The following TBC1D19 variants were observed in gnomAD, a reference collection of about 807,000 sequenced individuals.
TBC1D19 encodes the protein TBC1 domain family, member 19.
TBC1D19 carries 60 observed loss-of-function variants against 89.0 expected under a neutral mutation model. The observed-to-expected ratio is 0.67, with a 90% CI of 0.55 to 0.84. The LOEUF (loss-of-function observed/expected upper bound fraction) is 0.84. Ranked by LOEUF, TBC1D19 falls within the 40% of genes least tolerant of loss-of-function variation. The probability of loss-of-function intolerance (pLI) is 0.00; values close to 1 mark genes in which losing one functional copy is unlikely to be tolerated. For missense variants in TBC1D19, 500 were observed against 610.8 expected (o/e 0.82, Z 1.91); for synonymous variants, 189 against 199.7 (o/e 0.95, Z 0.45).
Position 26,730,510 on chromosome 4 carries a change from C to T in TBC1D19, c.1085-4945C>T, listed in dbSNP as rs569496606. On this transcript the variant is annotated intron_variant, in intron 15 of 20. Coordinates refer to ENST00000264866, the MANE Select transcript of TBC1D19 (RefSeq NM_018317.4). ...CTTTGCAGGGCCCAGAGCAGAAGTA[C>T]GAATAGAGGCCCACCTACCATAAGT... 2.3e-4 allele frequency among the ~76,000 whole-genome samples: 35 copies of T among 152,260 alleles called. 1 individual carries two copies. In the South Asian group the frequency reaches 6.8e-3, roughly 30 times the overall value.
the TBC1D19 span, among the ~76,000 whole-genome samples, chr4:26,810,291 T>C: frequency 1.3e-5 from 2 of 152,212 alleles, no homozygotes; most frequent in African/African-American, 4.8e-5. Flanking sequence ...CCAATGAACC[T>C]ACTTGCACTC....
rs777960715 is a variant in TBC1D19, at chr4:26,638,778, T to C, written c.377T>C (p.Val126Ala). Residue 126 changes from valine (V) to alanine (A), a missense_variant, in exon 6 of 21, where the codon GTT becomes GCT. Transcript: ENST00000264866. ...CAAAATTACCTTTTCCAGAGGCCAG[T>C]TGGAGAACAGAAAGAACTTCTTAAT... ...LSIPLARKRP[V>A]GEQKELLNKW... 10 of 1,610,340 alleles carry C rather than the reference T, an allele frequency of 6.2e-6. No individual in the cohort carries two copies. The highest frequency in any genetic ancestry group is 3.4e-5 in the Admixed American group (2 of 59,310).
chr4:26,842,340 C>CTTTTT, the TBC1D19 span, among the ~76,000 whole-genome samples: 720 of 81,610 alleles, frequency 8.8e-3, 2 homozygotes, highest in Middle Eastern at 0.012. Context: ...CTTTTCTTTT[C>CTTTTT]TTTTTTTTTT....
downstream of TBC1D19, among the ~76,000 whole-genome samples, chr4:26,758,704 A>C (rs866216181): frequency 1.3e-5 from 2 of 152,196 alleles, no homozygotes; most frequent in Non-Finnish European, 2.9e-5. Flanking sequence ...GTTGATCCCC[A>C]GATCGTGCTG....
intron 19 of TBC1D19, among the ~76,000 whole-genome samples, chr4:26,748,812 A>G (rs1718789206): frequency 6.6e-6 from 1 of 151,892 alleles, no homozygotes; most frequent in South Asian, 2.1e-4. Context: ...AGGTCTCACT[A>G]TCTCCCAACA....
chr4:26,785,818 G>A, the TBC1D19 span, among the ~76,000 whole-genome samples: 2 of 152,146 alleles, frequency 1.3e-5, no homozygotes, highest in African/African-American at 2.4e-5. Flanking sequence ...GTGCCACATA[G>A]CACTGGGGTC....
intron 4 of TBC1D19, among the ~76,000 whole-genome samples, chr4:26,634,654 G>C (rs1027188521): frequency 6.6e-6 from 1 of 152,070 alleles, no homozygotes; most frequent in Non-Finnish European, 1.5e-5. Flanking sequence ...GTATATATAC[G>C]TTTTTAATAA....
Position 26,681,419 on chromosome 4 carries a change from T to C in TBC1D19, c.817-2256T>C, listed in dbSNP as rs545498839. On this transcript the variant is annotated intron_variant, in intron 11 of 20. Coordinates refer to ENST00000264866, the MANE Select transcript of TBC1D19 (RefSeq NM_018317.4). ...AAAAAAAATCAGGCGGGTATGGTGCTGGGCACCTGTAGTCCCAGCTACTCG... is the reference window on the plus strand; with the variant it reads ...AAAAAAAATCAGGCGGGTATGGTGCCGGGCACCTGTAGTCCCAGCTACTCG... Among the ~76,000 whole-genome samples, 5 of 151,238 alleles carry C rather than the reference T, an allele frequency of 3.3e-5. No individual in the cohort carries two copies. In the East Asian group the frequency reaches 9.7e-4, roughly 29 times the overall value.
chr4:26,778,103 T>G, the TBC1D19 span, among the ~76,000 whole-genome samples: 1 of 133,784 alleles, frequency 7.5e-6, no homozygotes, highest in African/African-American at 2.8e-5. Flanking sequence ...TGGTGGGGTG[T>G]GGAGGGAGAG....
chr4:26,840,892 G>C, the TBC1D19 span, among the ~76,000 whole-genome samples: 1 of 152,192 alleles, frequency 6.6e-6, no homozygotes, highest in African/African-American at 2.4e-5. Flanking sequence ...CCTGAGAAGA[G>C]TTCTTGGCCA....
intron 1 of TBC1D19, among the ~76,000 whole-genome samples, chr4:26,600,030 G>C (rs542588550): frequency 4.7e-5 from 7 of 148,748 alleles, no homozygotes; most frequent in Admixed American, 4.7e-4. Flanking sequence ...GATCAGCAAT[G>C]TTATTTTATG....
chr4:26,808,229 G>C, the TBC1D19 span, among the ~76,000 whole-genome samples: 1 of 152,166 alleles, frequency 6.6e-6, no homozygotes, highest in Non-Finnish European at 1.5e-5. Context: ...GAAGAATATG[G>C]AATGTGGAGT....
intron 13 of TBC1D19, among the ~76,000 whole-genome samples, chr4:26,696,050 A>G (rs1714747338): frequency 6.6e-6 from 1 of 152,254 alleles, no homozygotes; most frequent in Non-Finnish European, 1.5e-5. Context: ...TCCAATTAAA[A>G]GACACAGACT....
chr4:26,643,716 TA>T (rs1743710416), intron 7 of TBC1D19, among the ~76,000 whole-genome samples: 1 of 151,938 alleles, frequency 6.6e-6, no homozygotes, highest in South Asian at 2.1e-4. Flanking sequence ...AAGAATCAAA[TA>T]GATGCAATAA....
At chr4:26,633,123 G>A (rs1415144821) in intron 4 of TBC1D19, among the ~76,000 whole-genome samples, 4 of 152,240 alleles carry the variant, frequency 2.6e-5, no homozygotes, top group African/African-American at 9.6e-5. Flanking sequence ...GGAATTTACT[G>A]CTTTGGGCCT....
chr4:26,610,761 T>C (rs936139027), intron 1 of TBC1D19, among the ~76,000 whole-genome samples: 2 of 152,030 alleles, frequency 1.3e-5, no homozygotes, highest in Admixed American at 1.3e-4. Context: ...GCTTAATCCA[T>C]GTTGCTAGAC....
At chr4:26,622,010 C>T (rs377536801) in intron 4 of TBC1D19, among the ~76,000 whole-genome samples, 19 of 151,912 alleles carry the variant, frequency 1.3e-4, no homozygotes, top group East Asian at 7.8e-4. Context: ...AACCAAACAC[C>T]GCATGTTCTC....
chr4:26,723,339 A>T (rs1049143831), intron 15 of TBC1D19, among the ~76,000 whole-genome samples: 1 of 152,086 alleles, frequency 6.6e-6, no homozygotes, highest in Non-Finnish European at 1.5e-5. Context: ...CCTCTGCCAA[A>T]GATATTATTA....
chr4:26,781,741 A>G, the TBC1D19 span, among the ~76,000 whole-genome samples: 1 of 151,994 alleles, frequency 6.6e-6, no homozygotes, highest in African/African-American at 2.4e-5. Context: ...CTTAACTTCT[A>G]CTTAGGTTTC....
Sources: allele counts gnomAD v4.1 joint callset (sites outside exome capture counted in the v4.1 genomes callset), GRCh38; gene constraint gnomAD v4.1.1; transcripts MANE v1.5; gene names NCBI Gene and HGNC (gene_info 2026-07-23, HGNC 2026-07-21).